The following ADAMTS3 variants were observed in gnomAD, a reference collection of about 807,000 sequenced individuals.
The protein encoded by ADAMTS3 is A disintegrin and metalloproteinase with thrombospondin motifs 3.
A neutral mutation model predicts 129.0 loss-of-function variants in ADAMTS3; 73 were observed. The ratio of observed to expected loss-of-function variants is 0.57; its 90% CI spans 0.47 to 0.69. The LOEUF (loss-of-function observed/expected upper bound fraction) is 0.69. Among genes scored for constraint, ADAMTS3 ranks in the 30% least tolerant of loss-of-function variants. The probability of loss-of-function intolerance (pLI) is 0.00; values close to 1 mark genes in which losing one functional copy is unlikely to be tolerated. For missense variants in ADAMTS3, 1,457 were observed against 1,514.5 expected, an observed-to-expected ratio of 0.96 and a Z score of 0.63; for synonymous variants, 477 against 510.8, an observed-to-expected ratio of 0.93 and a Z score of 0.89.
intron 3 of ADAMTS3, among the ~76,000 whole-genome samples, chr4:72,513,092 GC>G (rs1191071762): frequency 3.3e-5 from 5 of 152,064 alleles, no homozygotes; most frequent in Admixed American, 3.3e-4. Flanking sequence ...CCTGTCCCTA[GC>G]CATGTACTGT....
intron 3 of ADAMTS3, among the ~76,000 whole-genome samples, chr4:72,497,720 T>G (rs1296762179): frequency 1.4e-5 from 2 of 143,402 alleles, no homozygotes; most frequent in Non-Finnish European, 3.0e-5. Context: ...AATCTCAACT[T>G]TTCTTGTTAT....
chr4:72,346,198 A>T (rs1183773308), intron 4 of ADAMTS3, among the ~76,000 whole-genome samples: 1 of 152,038 alleles, frequency 6.6e-6, no homozygotes, highest in African/African-American at 2.4e-5. Flanking sequence ...ACAGGTAAAA[A>T]CCTTTCCTAG....
At chr4:72,502,870 G>C (rs1176994340) in intron 3 of ADAMTS3, among the ~76,000 whole-genome samples, 3 of 151,778 alleles carry the variant, frequency 2.0e-5, no homozygotes, top group African/African-American at 7.3e-5. Context: ...CCCTCCCCTA[G>C]CCCGCCACCC....
intron 2 of ADAMTS3, among the ~76,000 whole-genome samples, chr4:72,567,023 G>A (rs1722034701): frequency 6.6e-6 from 1 of 152,132 alleles, no homozygotes; most frequent in African/African-American, 2.4e-5. Context: ...ACTCAAATGT[G>A]CTCCTCCTAA....
chr4:72,298,116 G>T (rs1718853531), intron 18 of ADAMTS3, 161 bp downstream of exon 18: 1 of 551,426 alleles, frequency 1.8e-6, no homozygotes, highest in Non-Finnish European at 3.1e-6. Context: ...ATGATTTGGT[G>T]ATTCTGAGAT....
At chr4:72,556,367 C>T (rs939787107) in intron 2 of ADAMTS3, among the ~76,000 whole-genome samples, 10 of 151,742 alleles carry the variant, frequency 6.6e-5, no homozygotes, top group African/African-American at 2.4e-4. Flanking sequence ...ACACAAATAT[C>T]CCCTAGGGGA....
intron 2 of ADAMTS3, among the ~76,000 whole-genome samples, chr4:72,554,916 C>T (rs1355829902): frequency 3.3e-5 from 5 of 151,776 alleles, no homozygotes; most frequent in Admixed American, 2.6e-4. Context: ...CTGTAAATTA[C>T]GGGTAATAGT....
At chr4:72,444,909 C>A (rs150618346) in intron 3 of ADAMTS3, among the ~76,000 whole-genome samples, 5 of 151,670 alleles carry the variant, frequency 3.3e-5, no homozygotes, top group African/African-American at 1.2e-4. Context: ...CATGGATGAA[C>A]CTTGAAAACA....
chr4:72,455,150 T>C (rs1051987553), intron 3 of ADAMTS3, among the ~76,000 whole-genome samples: 12 of 151,720 alleles, frequency 7.9e-5, no homozygotes, highest in Non-Finnish European at 1.8e-4. Flanking sequence ...TAACTTTTTA[T>C]TCTCTCTACA....
intron 4 of ADAMTS3, among the ~76,000 whole-genome samples, chr4:72,393,428 T>C (rs1378046407): frequency 1.3e-5 from 2 of 152,184 alleles, no homozygotes; most frequent in Admixed American, 6.5e-5. Flanking sequence ...TTTCCAAATA[T>C]GTAAGTAATA....
At chr4:72,292,181 A>G (rs1242802143) in intron 19 of ADAMTS3, among the ~76,000 whole-genome samples, 1 of 152,126 alleles carries the variant, frequency 6.6e-6, no homozygotes, top group Non-Finnish European at 1.5e-5. Context: ...TGTTTTCACT[A>G]TGGTTTCCTT....
intron 3 of ADAMTS3, among the ~76,000 whole-genome samples, chr4:72,531,193 C>A (rs1489399232): frequency 6.6e-6 from 1 of 151,810 alleles, no homozygotes; most frequent in South Asian, 2.1e-4. Context: ...CATAGAAAAA[C>A]CTAAAAATGT....
chr4:72,531,937 C>A (rs1721054557), intron 3 of ADAMTS3, among the ~76,000 whole-genome samples: 1 of 151,476 alleles, frequency 6.6e-6, no homozygotes, highest in African/African-American at 2.4e-5. Context: ...AGAAAGGGGA[C>A]TAAAAGAGGG....
intron 3 of ADAMTS3, among the ~76,000 whole-genome samples, chr4:72,489,826 C>A (rs1041858936): frequency 1.6e-4 from 24 of 151,700 alleles, no homozygotes; most frequent in African/African-American, 5.8e-4. Context: ...TTTCAGACAT[C>A]CACTGAGGGT....
intron 4 of ADAMTS3, among the ~76,000 whole-genome samples, chr4:72,391,591 C>T (rs191168221): frequency 6.6e-6 from 1 of 152,280 alleles, no homozygotes; most frequent in East Asian, 1.9e-4. Context: ...TCTGTGACTA[C>T]AGTTAGATAA....
chr4:72,349,331 A>G (rs183557844), intron 4 of ADAMTS3, among the ~76,000 whole-genome samples: 3 of 152,182 alleles, frequency 2.0e-5, no homozygotes, highest in Admixed American at 2.0e-4. Context: ...GATCATACTT[A>G]TAAATTTGAT....
At chr4:72,496,653 C>T (rs1719880065) in intron 3 of ADAMTS3, among the ~76,000 whole-genome samples, 2 of 152,042 alleles carry the variant, frequency 1.3e-5, no homozygotes, top group African/African-American at 2.4e-5. Context: ...TATACTGTCC[C>T]TATTCATTTT....
At chr4:72,414,356 T>A (rs899613563) in intron 4 of ADAMTS3, among the ~76,000 whole-genome samples, 3 of 144,476 alleles carry the variant, frequency 2.1e-5, no homozygotes, top group Non-Finnish European at 4.6e-5. Flanking sequence ...TAGTAAAAGT[T>A]TTGCCAAATA....
chr4:72,562,015 T>C (rs1721915573), intron 2 of ADAMTS3, among the ~76,000 whole-genome samples: 1 of 152,206 alleles, frequency 6.6e-6, no homozygotes, highest in Admixed American at 6.5e-5. Context: ...TGCTTCACTG[T>C]CCATTTTCAG....
Sources: gnomAD v4.1 joint callset for allele counts (sites outside exome capture counted in the v4.1 genomes callset) on GRCh38, gnomAD v4.1.1 for gene constraint, MANE v1.5 for transcripts, NCBI Gene and HGNC (gene_info 2026-07-23, HGNC 2026-07-21) for gene names.